The following ABRACL variants were observed in gnomAD, a reference collection of about 807,000 sequenced individuals.
ABRACL encodes the protein ABRA C-terminal like.
ABRACL carries 4 observed loss-of-function variants against 7.0 expected under a neutral mutation model. That is an observed-to-expected ratio of 0.57 (90% CI 0.28 to 1.30). The LOEUF is 1.30. Ranked by LOEUF, ABRACL falls within the 50% of genes most tolerant of loss-of-function variation. ABRACL has a pLI of 0.10. For synonymous variants in ABRACL, 30 were observed against 36.0 expected, an observed-to-expected ratio of 0.83 and a Z score of 0.60; for missense variants, 104 against 97.3, an observed-to-expected ratio of 1.07 and a Z score of -0.29.
intron 1 of ABRACL, among the ~76,000 whole-genome samples, 198 bp downstream of exon 1, chr6:139,029,073 C>A (rs547903381): frequency 4.7e-5 from 7 of 150,286 alleles, no homozygotes; most frequent in Non-Finnish European, 1.0e-4. Flanking sequence ...GCCGCCCACG[C>A]CCCCACCTCT....
Position 139,030,886 on chromosome 6 carries a change from G to C in ABRACL, c.-7+2011G>C, listed in dbSNP as rs546894651. 3.3e-5 allele frequency among the ~76,000 whole-genome samples: 5 copies of C among 152,332 alleles called. No individual in the cohort carries two copies. In the South Asian group the frequency reaches 1.0e-3, roughly 32 times the overall value. The stretch of plus-strand genomic sequence containing the variant: ...TCTTAGAACTACATGAATTAACGTA[G>C]ATAAGGAGCCTGATGTGTAATTAAT... On this transcript the variant is annotated intron_variant, in intron 1 of 2. Coordinates refer to ENST00000367660, the MANE Select transcript of ABRACL (RefSeq NM_021243.3).
chr6:139,029,058 C>T (rs1786036951), intron 1 of ABRACL, among the ~76,000 whole-genome samples, 183 bp downstream of exon 1: 4 of 152,032 alleles, frequency 2.6e-5, no homozygotes, highest in African/African-American at 9.7e-5. Context: ...TCCCGTGGGG[C>T]GCGCGCCGCC....
intron 2 of ABRACL, among the ~76,000 whole-genome samples, chr6:139,041,449 CTCTA>C (rs67048005): frequency 0.17 from 13,785 of 81,270 alleles, 820 homozygotes; most frequent in East Asian, 0.34. Flanking sequence ...CTCTCTCTCT[CTCTA>C]TATATATATA....
At chr6:139,032,553 G>A (rs1241208380) in intron 1 of ABRACL, among the ~76,000 whole-genome samples, 3 of 152,188 alleles carry the variant, frequency 2.0e-5, no homozygotes, top group Admixed American at 1.3e-4. Context: ...AGAAAATCTA[G>A]TGTCCCAATC....
Position 139,034,063 on chromosome 6 carries a change from C to T in ABRACL, c.-6-92C>T, listed in dbSNP as rs570051064. 1.2e-4 allele frequency: 185 copies of T among 1,499,474 alleles called. No homozygotes were observed. In the African/African-American group the frequency reaches 1.5e-3, roughly 12 times the overall value. The allele number at this position is 1,499,474 out of a possible 1,614,324, so 92.9% of individuals were successfully genotyped here. On this transcript the variant is annotated intron_variant, in intron 1 of 2. Coordinates refer to ENST00000367660, the MANE Select transcript of ABRACL (RefSeq NM_021243.3). ...AACATGGTAAATTAATAGTGACAGA[C>T]GCGACCTGAACAAGACAAAGGGCTC...
chr6:139,041,443 C>CTATA (rs1279287526), intron 2 of ABRACL, among the ~76,000 whole-genome samples: 3 of 70,378 alleles, frequency 4.3e-5, no homozygotes, highest in African/African-American at 1.2e-4. Flanking sequence ...CTCTCTCTCT[C>CTATA]TCTCTCTCTA....
chr6:139,031,931 C>T (rs1406669535), intron 1 of ABRACL, among the ~76,000 whole-genome samples: 1 of 151,418 alleles, frequency 6.6e-6, no homozygotes, highest in African/African-American at 2.4e-5. Context: ...ACAACAGTTG[C>T]CCACCACACT....
chr6:139,041,040 G>A (rs933175142), intron 2 of ABRACL, among the ~76,000 whole-genome samples: 7 of 152,126 alleles, frequency 4.6e-5, no homozygotes, highest in Non-Finnish European at 7.4e-5. Flanking sequence ...AGTTGCCCAA[G>A]GCCAAATGAC....
At chr6:139,036,867 C>A (rs1032044571) in intron 2 of ABRACL, among the ~76,000 whole-genome samples, 1 of 151,988 alleles carries the variant, frequency 6.6e-6, no homozygotes, top group Non-Finnish European at 1.5e-5. Context: ...AACTGTGGTC[C>A]CAGCTATACT....
intron 1 of ABRACL, among the ~76,000 whole-genome samples, chr6:139,033,850 C>T (rs767742316): frequency 8.6e-5 from 7 of 81,150 alleles, no homozygotes; most frequent in Non-Finnish European, 2.2e-4. Context: ...AGAGGACCTA[C>T]GCATAGTGAA....
In ABRACL at chr6:139,043,134, G is replaced by A. The variant is rs1202255983; in HGVS notation, c.*231G>A. 2 of 332,004 alleles carry A rather than the reference G, an allele frequency of 6.0e-6. No individual in the cohort carries two copies. Among genetic ancestry groups the A allele is most frequent in the Non-Finnish European group, 1.1e-5 (2 of 187,260 alleles). The allele number at this position is 332,004 out of a possible 1,614,324, so 20.6% of individuals were successfully genotyped here. On this transcript the variant is annotated 3_prime_UTR_variant, in exon 3 of 3. Coordinates refer to ENST00000367660, the MANE Select transcript of ABRACL (RefSeq NM_021243.3). The stretch of plus-strand genomic sequence containing the variant: ...CTCAGGAATCTGGTTAGGAATTGCA[G>A]GCAATGAGATTTTTTGCGGGGCAGG...
chr6:139,032,200 G>A lies in ABRACL; in HGVS notation c.-6-1955G>A, dbSNP rs892808737. On this transcript the variant is annotated intron_variant, in intron 1 of 2. Coordinates refer to ENST00000367660, the MANE Select transcript of ABRACL (RefSeq NM_021243.3). Reference sequence around the variant, plus strand: ...AGGATGGTCTCGATCTCCTGACCTCGTGATCCACCCGCCTCGGCCTCCCAA... The same window carrying A: ...AGGATGGTCTCGATCTCCTGACCTCATGATCCACCCGCCTCGGCCTCCCAA... Among the ~76,000 whole-genome samples, 256 of 152,188 alleles carry A rather than the reference G, an allele frequency of 1.7e-3. 1 individual carries two copies. Among genetic ancestry groups the A allele is most frequent in the African/African-American group, 5.7e-3 (238 of 41,536 alleles).
In ABRACL at chr6:139,034,217, A is replaced by C. The variant is rs751717127; in HGVS notation, c.57A>C (p.Ser19=). The C allele has an allele frequency of 6.2e-7, 1 of 1,614,218 alleles. No homozygotes were observed. Among genetic ancestry groups the C allele is most frequent in the South Asian group, 1.1e-5 (1 of 91,086 alleles). Residue 19 remains serine (S), a synonymous_variant, in exon 2 of 3, where the codon TCA becomes TCC. Transcript: ENST00000367660. ...TGGAGGAAATTCATCGTTTGGGTTCAAAAAGTAAGTATCTGACAGAGATAG... is the reference window on the plus strand; with the variant it reads ...TGGAGGAAATTCATCGTTTGGGTTCCAAAAGTAAGTATCTGACAGAGATAG... ...LLVEEIHRLG[S]KNADGKLSVK...
chr6:139,041,531 A>ATATTTT (rs748288046), intron 2 of ABRACL, among the ~76,000 whole-genome samples: 51 of 126,038 alleles, frequency 4.0e-4, no homozygotes, highest in East Asian at 1.4e-3. Flanking sequence ...ATATATATAT[A>ATATTTT]TTTTTTTTTA....
At chr6:139,028,953 G>A (rs1786034464) in intron 1 of ABRACL, 78 bp downstream of exon 1, 1 of 152,412 alleles carries the variant, frequency 6.6e-6, no homozygotes, top group Non-Finnish European at 1.5e-5. Context: ...CGGGCACCGC[G>A]GGCTGCGGTG....
At chr6:139,042,377 G>A (rs1786264968) in intron 2 of ABRACL, among the ~76,000 whole-genome samples, 1 of 152,124 alleles carries the variant, frequency 6.6e-6, no homozygotes, top group Non-Finnish European at 1.5e-5. Context: ...TCTTTCATTT[G>A]TAGTGTTTAT....
At chr6:139,037,481 G>A (rs867262478) in intron 2 of ABRACL, among the ~76,000 whole-genome samples, 1 of 152,072 alleles carries the variant, frequency 6.6e-6, no homozygotes, top group African/African-American at 2.4e-5. Context: ...GGCTGGTCTC[G>A]AACTTCTGGC....
At chr6:139,033,016 A>G (rs1786104925) in intron 1 of ABRACL, among the ~76,000 whole-genome samples, 1 of 152,256 alleles carries the variant, frequency 6.6e-6, no homozygotes, top group Admixed American at 6.5e-5. Context: ...CTATGGGAAC[A>G]CACAGTGAGG....
intron 1 of ABRACL, 41 bp from the exon 2 acceptor site, chr6:139,034,114 T>C: frequency 6.2e-7 from 1 of 1,612,956 alleles, no homozygotes; most frequent in Non-Finnish European, 8.5e-7. Flanking sequence ...CTTAATGGAA[T>C]GTAATGGTGA....
Sources: allele counts gnomAD v4.1 joint callset (sites outside exome capture counted in the v4.1 genomes callset), GRCh38; gene constraint gnomAD v4.1.1; transcripts MANE v1.5; gene names NCBI Gene and HGNC (gene_info 2026-07-23, HGNC 2026-07-21).